BRPF1: variants seen among roughly 807,000 people sequenced by gnomAD.
The protein encoded by BRPF1 is bromodomain and PHD finger containing 1, also known as peregrin.
In BRPF1, 15 loss-of-function variants were observed where a neutral mutation model predicts 115.0. The observed-to-expected ratio is 0.13, with a 90% CI of 0.09 to 0.20. The LOEUF (loss-of-function observed/expected upper bound fraction) is 0.20, where lower values mean the gene tolerates loss of function less well. Ranked by LOEUF, BRPF1 falls within the 10% of genes least tolerant of loss-of-function variation. The pLI, the probability that BRPF1 is intolerant of heterozygous loss-of-function variation, is 1.00. For missense variants in BRPF1, 1,118 were observed against 1,638.3 expected (o/e 0.68, Z 5.48); for synonymous variants, 647 against 619.8 (o/e 1.04, Z -0.65).
Position 9,734,016 on chromosome 3 carries a change from C to T in BRPF1, c.-10-115C>T. The T allele has an allele frequency of 1.3e-6, 2 of 1,486,380 alleles. No individual in the cohort carries two copies. Among genetic ancestry groups the T allele is most frequent in the Non-Finnish European group, 1.8e-6 (2 of 1,122,594 alleles). The allele number at this position is 1,486,380 out of a possible 1,614,324, so 92.1% of individuals were successfully genotyped here. A position where few individuals can be genotyped will look rare whatever the true frequency, so the allele number is the denominator to read the frequency against. On this transcript the variant is annotated intron_variant, in intron 1 of 13. Coordinates refer to ENST00000383829, the MANE Select transcript of BRPF1 (RefSeq NM_001003694.2). The surrounding 1 kb of genome is among the most constrained non-coding windows in gnomAD (Gnocchi z 5.7). Reference sequence around the variant, plus strand: ...CATTTGGAGACACTGTAGAGGTAGGCTGGCCAGAATCTGGTGACTCCAAGT... The same window carrying T: ...CATTTGGAGACACTGTAGAGGTAGGTTGGCCAGAATCTGGTGACTCCAAGT...
chr3:9,746,192 A>G lies in BRPF1; in HGVS notation c.3325-108A>G, dbSNP rs562902265. ...GGGTCAGCATTGCAGTTCTAGTAGC[A>G]TGATACCCTCTCTGTCCCCACTTCA... is the stretch of plus-strand genomic sequence containing the variant. On this transcript the variant is annotated intron_variant, in intron 12 of 13. Transcript: ENST00000383829. 6 of 1,357,916 alleles carry G rather than the reference A, an allele frequency of 4.4e-6. No individual in the cohort carries two copies. The South Asian group carries it at 7.3e-5, about 17-fold the overall frequency. The allele number at this position is 1,357,916 out of a possible 1,614,324, so 84.1% of individuals were successfully genotyped here. A position where few individuals can be genotyped will look rare whatever the true frequency, so the allele number is the denominator to read the frequency against.
intron 1 of BRPF1, chr3:9,732,613 C>A (rs2076873756): frequency 6.6e-6 from 1 of 152,262 alleles, no homozygotes; most frequent in African/African-American, 2.4e-5. Flanking sequence ...GGGAACCATT[C>A]ACCCGGGACC....
rs752492947 is a variant in BRPF1, at chr3:9,739,419, C to T, written c.1020C>T (p.Phe340=). The part of the protein sequence containing the change: ...CALCPNKGGA[F]KQTDDGRWAH... ...TGTGCCCCAACAAGGGCGGTGCCTT[C>T]AAGCAGACAGATGACGGGCGCTGGG... Residue 340 remains phenylalanine (F), a synonymous_variant, in exon 3 of 14, where the codon TTC becomes TTT. Coordinates refer to ENST00000383829, the MANE Select transcript of BRPF1 (RefSeq NM_001003694.2). The T allele has an allele frequency of 4.3e-6, 7 of 1,614,114 alleles. No homozygotes were observed. Among genetic ancestry groups the T allele is most frequent in the Non-Finnish European group, 5.9e-6 (7 of 1,180,054 alleles).
At position 9,739,652 on chromosome 3, in the gene BRPF1, G is replaced by T; in HGVS notation, c.1253G>T (p.Gly418Val). 6.2e-7 allele frequency: 1 copy of T among 1,611,956 alleles called. No individual in the cohort carries two copies. The highest frequency in any genetic ancestry group is 1.7e-5 in the Admixed American group (1 of 59,998). The change falls in exon 3 of 14, where the codon GGC becomes GTC. Residue 418 changes from glycine (G) to valine (V), a missense_variant. Around this residue, in one of 10 missense-constraint regions of BRPF1, gnomAD observed 87 missense variants for 93.4 expected, o/e 0.93. Coordinates refer to ENST00000383829, the MANE Select transcript of BRPF1 (RefSeq NM_001003694.2). ...AFHVTCAQQA[G>V]LYMKMEPVRE... ...CATGTGACATGCGCCCAGCAGGCTGGCCTTTACATGAAGATGGAGCCTGTG... is the reference window on the plus strand; with the variant it reads ...CATGTGACATGCGCCCAGCAGGCTGTCCTTTACATGAAGATGGAGCCTGTG...
chr3:9,746,505 G>A, intron 13 of BRPF1, 51 bp downstream of exon 13: 3 of 1,479,494 alleles, frequency 2.0e-6, no homozygotes, highest in Non-Finnish European at 2.7e-6. Context: ...GCAGCCCTGT[G>A]TGGTATGGGG....
chr3:9,741,968 A>ACCTCTTTG, intron 5 of BRPF1, 57 bp from the exon 6 acceptor site: 2 of 1,602,002 alleles, frequency 1.2e-6, no homozygotes, highest in Admixed American at 3.4e-5. Flanking sequence ...ATATCCTCAG[A>ACCTCTTTG]CCTCTTTGCC....
intron 4 of BRPF1, 49 bp downstream of exon 4, chr3:9,740,990 C>G (rs961764693): frequency 6.4e-7 from 1 of 1,563,348 alleles, no homozygotes; most frequent in African/African-American, 1.4e-5. Context: ...GCCAGGGGGA[C>G]GAAAACCAAA....
rs756184446 is a variant in BRPF1 at position 9,745,182 on chromosome 3, C to CCTCAGGGGATGCCCTGGAA, written c.3068+42_3068+43insGGAACTCAGGGGATGCCCT. On this transcript the variant is annotated intron_variant, in intron 10 of 13. Coordinates refer to ENST00000383829, the MANE Select transcript of BRPF1 (RefSeq NM_001003694.2). This position sits in a 1 kb window ranked among gnomAD's most constrained non-coding sequence, Gnocchi z 5.1. Reference sequence around the variant, plus strand: ...TACCAGCCCTCCAGATCGAGGCCAACCTCAGGGGATGCCCTTCCAGGGCTC... The same window carrying CCTCAGGGGATGCCCTGGAA: ...TACCAGCCCTCCAGATCGAGGCCAACCTCAGGGGATGCCCTGGAACTCAGGGGATGCCCTTCCAGGGCTC... 24 of 1,607,782 alleles carry CCTCAGGGGATGCCCTGGAA rather than the reference C, an allele frequency of 1.5e-5. No homozygotes were observed. The highest frequency in any genetic ancestry group is 1.0e-4 in the Admixed American group (6 of 58,456).
At chr3:9,737,504 C>T (rs1236851580) in intron 2 of BRPF1, among the ~76,000 whole-genome samples, 1 of 152,240 alleles carries the variant, frequency 6.6e-6, no homozygotes. Context: ...GCTTAGCTCA[C>T]TTGCCCTCTG....
intron 2 of BRPF1, 141 bp from the exon 3 acceptor site, chr3:9,738,858 T>G: frequency 1.4e-6 from 1 of 704,126 alleles, no homozygotes; most frequent in African/African-American, 1.8e-5. Flanking sequence ...CTATAATATC[T>G]GGAGTTAAGG....
chr3:9,743,283 AGGCCAAT>A lies in BRPF1; in HGVS notation c.2311+32_2311+38del. 2 of 1,589,468 alleles carry A rather than the reference AGGCCAAT, an allele frequency of 1.3e-6. No homozygotes were observed. Among genetic ancestry groups the A allele is most frequent in the Non-Finnish European group, 1.7e-6 (2 of 1,165,262 alleles). On this transcript the variant is annotated intron_variant, in intron 7 of 13. Transcript: ENST00000383829. This position sits in a 1 kb window ranked among gnomAD's most constrained non-coding sequence, Gnocchi z 6.1. ...GTGATATATCACACACACATATAAG[AGGCCAAT>A]GCCGGGGATGGACAGCTTTCCAAAA...
chr3:9,743,213 C>T lies in BRPF1; in HGVS notation c.2271C>T (p.His757=), dbSNP rs576782459. ...IDFETGMHIP[H]SLAGDEATHH... ...TTGAGACGGGCATGCATATCCCCCA[C>T]AGCCTGGCTGGAGATGAGGCCACAC... The change falls in exon 7 of 14, where the codon CAC becomes CAT. Residue 757 remains histidine, a synonymous_variant. Transcript: ENST00000383829. The surrounding 1 kb of genome is among the most constrained non-coding windows in gnomAD (Gnocchi z 6.1). 2.0e-5 allele frequency: 32 copies of T among 1,614,192 alleles called. No individual in the cohort carries two copies. In the South Asian group the frequency reaches 3.1e-4, roughly 16 times the overall value.
Position 9,744,476 on chromosome 3 carries a change from A to T in BRPF1, c.2888A>T (p.Asp963Val). The change falls in exon 9 of 14, where the codon GAC (aspartate) becomes GTC (valine). Residue 963 changes from aspartate (D) to valine (V), a missense_variant. Asp to Val is a radical substitution (Grantham distance 152). Transcript: ENST00000383829. The stretch of plus-strand genomic sequence containing the variant: ...CGGCCCAGTTCGAGCTCAGACAGCG[A>T]CAGTGATAAGTCCACAGAAGACCCC... The part of the protein sequence containing the change: ...SPRPSSSSDS[D>V]SDKSTEDPPM... 6.4e-7 allele frequency: 1 copy of T among 1,570,682 alleles called. No homozygotes were observed. The highest frequency in any genetic ancestry group is 8.6e-7 in the Non-Finnish European group (1 of 1,159,428).
chr3:9,739,763 G>T lies in BRPF1; in HGVS notation c.1364G>T (p.Arg455Leu), dbSNP rs758535290. 6.2e-7 allele frequency: 1 copy of T among 1,614,184 alleles called. No homozygotes were observed. The highest frequency in any genetic ancestry group is 2.2e-5 in the East Asian group (1 of 44,882). The change falls in exon 3 of 14, where the codon CGA becomes CTA. Residue 455 changes from arginine to leucine, a missense_variant. Coordinates refer to ENST00000383829, the MANE Select transcript of BRPF1 (RefSeq NM_001003694.2). ...CACACGCCTCCAGGTTCAGCACGCC[G>T]ACTGCCTGCCCTGTCCCACAGCGAG... Reference protein sequence around the residue: ...DIHTPPGSARRLPALSHSEGE... With the variant: ...DIHTPPGSARLLPALSHSEGE...
In BRPF1 at chr3:9,739,618, A is replaced by G. The variant is rs1487389574; in HGVS notation, c.1219A>G (p.Thr407Ala). ...CIQCHKANCY[T>A]AFHVTCAQQA... The stretch of plus-strand genomic sequence containing the variant: ...CCAGTGCCACAAGGCCAACTGTTAC[A>G]CAGCTTTCCATGTGACATGCGCCCA... Residue 407 changes from threonine (T) to alanine (A), a missense_variant, in exon 3 of 14, where the codon ACA becomes GCA. This residue lies in a region of BRPF1 where 64 missense variants were observed against 172.8 expected (regional missense o/e 0.37). Transcript: ENST00000383829. 7.5e-6 allele frequency: 12 copies of G among 1,609,280 alleles called. No homozygotes were observed. The highest frequency in any genetic ancestry group is 1.0e-5 in the Non-Finnish European group (12 of 1,176,014).
chr3:9,744,906 C>T (rs1009303868), intron 9 of BRPF1, 102 bp from the exon 10 acceptor site: 16 of 1,525,156 alleles, frequency 1.0e-5, no homozygotes, highest in Non-Finnish European at 1.5e-5. Flanking sequence ...TTTTCCAGCA[C>T]AGAAGGGGAA....
intron 2 of BRPF1, among the ~76,000 whole-genome samples, chr3:9,738,376 T>C (rs1052504053): frequency 1.3e-5 from 2 of 152,342 alleles, no homozygotes; most frequent in East Asian, 1.9e-4. Context: ...GCCTGGCTCA[T>C]AGGAAATCCT....
intron 13 of BRPF1, among the ~76,000 whole-genome samples, chr3:9,746,947 C>T (rs778191937): frequency 2.0e-5 from 3 of 152,022 alleles, no homozygotes; most frequent in Non-Finnish European, 2.9e-5. Context: ...CTTTTTGTAC[C>T]CATAAATACC....
At chr3:9,732,359 C>T (rs1377903841) in intron 1 of BRPF1, 2 of 152,282 alleles carry the variant, frequency 1.3e-5, no homozygotes, top group Admixed American at 1.3e-4. Flanking sequence ...TCACTTGTTA[C>T]ACTTCCACAA....
Sources: allele counts gnomAD v4.1 joint callset (sites outside exome capture counted in the v4.1 genomes callset), GRCh38; gene constraint gnomAD v4.1.1; regional missense constraint gnomAD v4.1.1; non-coding constraint Gnocchi (gnomAD v3.1); transcripts MANE v1.5; gene names NCBI Gene and HGNC (gene_info 2026-07-23, HGNC 2026-07-21).